The following OTUD7B variants were observed in gnomAD, a reference collection of about 807,000 sequenced individuals.
OTUD7B encodes OTU deubiquitinase 7B.
A neutral mutation model predicts 82.2 loss-of-function variants in OTUD7B; 34 were observed. That is an observed-to-expected ratio of 0.41 (90% CI 0.31 to 0.55). The LOEUF is 0.55. Among genes scored for constraint, OTUD7B ranks in the 20% least tolerant of loss-of-function variants. OTUD7B has a pLI of 0.20. For missense variants in OTUD7B, 944 were observed against 1,062.1 expected (o/e 0.89, Z 1.55); for synonymous variants, 398 against 402.7 (o/e 0.99, Z 0.14).
chr1:150,050,453 A>G, the OTUD7B span: 2 of 152,220 alleles, frequency 1.3e-5, no homozygotes, highest in African/African-American at 2.4e-5. Context: ...GCAGTCAGAC[A>G]TGAATGGAAA....
chr1:150,055,550 T>C, the OTUD7B span, among the ~76,000 whole-genome samples: 1 of 152,154 alleles, frequency 6.6e-6, no homozygotes, highest in Non-Finnish European at 1.5e-5. Context: ...ATTGGGTATA[T>C]ACCCAGAGGA....
At chr1:150,040,920 G>A in the OTUD7B span, among the ~76,000 whole-genome samples, 1 of 151,946 alleles carries the variant, frequency 6.6e-6, no homozygotes, top group Non-Finnish European at 1.5e-5. Flanking sequence ...ATGTTGACCA[G>A]GCTGGTCTCA....
chr1:149,938,170 G>C lies in OTUD7B; in HGVS notation c.*5687C>G, dbSNP rs2092738636. 3 of 152,154 alleles carry C rather than the reference G, an allele frequency of 2.0e-5. No individual in the cohort carries two copies. The highest frequency in any genetic ancestry group is 2.0e-4 in the Admixed American group (3 of 15,268). 9.4% of individuals were successfully genotyped at this position (152,154 alleles called of 1,614,324 possible). A position where few individuals can be genotyped will look rare whatever the true frequency, so the allele number is the denominator to read the frequency against. ...TATTTCCCAAGGTCTGTTGTAAAAA[G>C]AAAATAGGGACCAGGCGCAGTGGCT... On this transcript the variant is annotated 3_prime_UTR_variant, in exon 12 of 12. Transcript: ENST00000581312.
At chr1:149,958,322 C>CTTTTTTTTTTTTTTTTTTTTTTTTTTT (rs34299927) in intron 7 of OTUD7B, among the ~76,000 whole-genome samples, 1 of 86,394 alleles carries the variant, frequency 1.2e-5, no homozygotes, top group Non-Finnish European at 2.1e-5. Flanking sequence ...AAAGGACTAC[C>CTTTTTTTTTTTTTTTTTTTTTTTTTTT]TTTTTTTTTT....
chr1:150,028,120 AAG>A, the OTUD7B span, among the ~76,000 whole-genome samples: 1 of 152,318 alleles, frequency 6.6e-6, no homozygotes, highest in African/African-American at 2.4e-5. Flanking sequence ...TTTTTCTCAA[AAG>A]AGTTATTTAT....
chr1:149,992,476 T>TTTTG (rs1172848324), intron 1 of OTUD7B, among the ~76,000 whole-genome samples: 1 of 1,576 alleles, frequency 6.3e-4, no homozygotes, highest in African/African-American at 7.2e-4. Flanking sequence ...TGTTTTTTTT[T>TTTTG]TTTTTTTTTT....
At chr1:150,063,131 G>C in the OTUD7B span, among the ~76,000 whole-genome samples, 6 of 152,044 alleles carry the variant, frequency 3.9e-5, no homozygotes, top group Non-Finnish European at 5.9e-5. Context: ...AGGTCTCTGA[G>C]TATATTACCT....
intron 4 of OTUD7B, among the ~76,000 whole-genome samples, chr1:149,966,264 T>C (rs1279091151): frequency 6.6e-6 from 1 of 152,130 alleles, no homozygotes; most frequent in Non-Finnish European, 1.5e-5. Flanking sequence ...AGTGCCAAGG[T>C]TGAGAAACCC....
the OTUD7B span, among the ~76,000 whole-genome samples, chr1:150,061,358 C>T: frequency 3.7e-4 from 57 of 152,252 alleles, 1 homozygote; most frequent in South Asian, 7.9e-3. Flanking sequence ...CATATGGATG[C>T]CCTTAACTCT....
chr1:150,025,302 C>A, the OTUD7B span, among the ~76,000 whole-genome samples: 1 of 151,898 alleles, frequency 6.6e-6, no homozygotes, highest in Non-Finnish European at 1.5e-5. Context: ...GTAATCCCAG[C>A]TACTTGGGAG....
chr1:149,961,938 CATT>C (rs10690635), intron 6 of OTUD7B: 8 of 152,042 alleles, frequency 5.3e-5, no homozygotes, highest in African/African-American at 1.9e-4. Flanking sequence ...ATTTGGCTGA[CATT>C]AGTATTAAAA....
rs1272536980 is a variant in OTUD7B at position 149,943,002 on chromosome 1, G to C, written c.*855C>G. ...AGGTGCACTCAAACCCCAACGTATG[G>C]TTATTGCTGTGGTTAAAAAATAGAT... On this transcript the variant is annotated 3_prime_UTR_variant, in exon 12 of 12. Coordinates refer to ENST00000581312, the MANE Select transcript of OTUD7B (RefSeq NM_020205.4). The C allele has an allele frequency of 7.9e-5, 12 of 152,462 alleles. No homozygotes were observed. The highest frequency in any genetic ancestry group is 2.9e-4 in the African/African-American group (12 of 41,378). 9.4% of individuals were successfully genotyped at this position (152,462 alleles called of 1,614,324 possible). A position where few individuals can be genotyped will look rare whatever the true frequency, so the allele number is the denominator to read the frequency against.
chr1:149,996,879 A>C (rs1161812327), intron 1 of OTUD7B, among the ~76,000 whole-genome samples: 1 of 152,198 alleles, frequency 6.6e-6, no homozygotes, highest in Non-Finnish European at 1.5e-5. Flanking sequence ...AAGCATTAGA[A>C]GATGTTTATT....
At chr1:150,066,651 C>T in the OTUD7B span, among the ~76,000 whole-genome samples, 1 of 152,170 alleles carries the variant, frequency 6.6e-6, no homozygotes, top group South Asian at 2.1e-4. The surrounding 1 kb of genome is among the most constrained non-coding windows in gnomAD (Gnocchi z 4.6). Flanking sequence ...CTCACAAACA[C>T]TGGTCATTAT....
the OTUD7B span, among the ~76,000 whole-genome samples, chr1:150,042,384 G>C: frequency 6.6e-6 from 1 of 151,672 alleles, no homozygotes; most frequent in African/African-American, 2.4e-5. Flanking sequence ...TGTTGGCCAG[G>C]CTGGTCTCGA....
At chr1:150,034,008 C>T in the OTUD7B span, among the ~76,000 whole-genome samples, 4 of 152,156 alleles carry the variant, frequency 2.6e-5, no homozygotes, top group Admixed American at 2.6e-4. Context: ...GCGTGAGCCA[C>T]CGCACCCAGC....
At position 149,944,606 on chromosome 1, in the gene OTUD7B, T is replaced by C. The variant is rs1553771518; in HGVS notation, c.1783A>G (p.Ser595Gly). The part of the protein sequence containing the change: ...GSKYSQEVMQ[S>G]LSILRTAMQG... ...ATGGCAGTCCTCAGAATGCTCAGGC[T>C]CTGCATCACCTCCTGGCTATACTTG... The change falls in exon 12 of 12, where the codon AGC (serine) becomes GGC (glycine). Residue 595 changes from serine to glycine, a missense_variant. By Grantham distance (56) the Ser-to-Gly change is moderately conservative. Coordinates refer to ENST00000581312, the MANE Select transcript of OTUD7B (RefSeq NM_020205.4). 1 of 1,614,076 alleles carries C rather than the reference T, an allele frequency of 6.2e-7. No individual in the cohort carries two copies. The highest frequency in any genetic ancestry group is 1.1e-5 in the South Asian group (1 of 91,080).
chr1:149,973,858 ATTT>A (rs1220689600), intron 2 of OTUD7B, among the ~76,000 whole-genome samples: 1 of 132,778 alleles, frequency 7.5e-6, no homozygotes, highest in African/African-American at 2.8e-5. Context: ...GCCCCTTCTA[ATTT>A]TTTTTTTTTT....
intron 1 of OTUD7B, among the ~76,000 whole-genome samples, chr1:150,002,445 T>C (rs1302450772): frequency 6.6e-6 from 1 of 152,200 alleles, no homozygotes; most frequent in Admixed American, 6.5e-5. Context: ...GAACTGCCCC[T>C]CTTCCCAATG....
Sources: allele counts gnomAD v4.1 joint callset (sites outside exome capture counted in the v4.1 genomes callset), GRCh38; gene constraint gnomAD v4.1.1; non-coding constraint Gnocchi (gnomAD v3.1); transcripts MANE v1.5; gene names NCBI Gene and HGNC (gene_info 2026-07-23, HGNC 2026-07-21).